The following SMOC2 variants were observed in gnomAD, a reference collection of about 807,000 sequenced individuals.
The protein encoded by SMOC2 is SPARC-related modular calcium-binding protein 2.
SMOC2 carries 39 observed loss-of-function variants against 61.4 expected under a neutral mutation model. The ratio of observed to expected loss-of-function variants is 0.64; its 90% CI spans 0.49 to 0.83. The LOEUF (loss-of-function observed/expected upper bound fraction) is 0.83, where lower values mean the gene tolerates loss of function less well. Among genes scored for constraint, SMOC2 ranks in the 40% least tolerant of loss-of-function variants. The pLI is 0.00. For missense variants in SMOC2, 556 were observed against 592.9 expected (o/e 0.94, Z 0.65); for synonymous variants, 247 against 239.9 (o/e 1.03, Z -0.27).
chr6:168,441,947 C>T (rs1781220556), intron 1 of SMOC2, among the ~76,000 whole-genome samples: 1 of 152,210 alleles, frequency 6.6e-6, no homozygotes, highest in Non-Finnish European at 1.5e-5. Context: ...CCCACGGGGA[C>T]CCGGCCTGGA....
chr6:168,453,911 C>CCT lies in SMOC2; in HGVS notation c.84+12466_84+12467dup, dbSNP rs1562536992. Reference sequence around the variant, plus strand: ...CTCTATCTCTCTTTCTCTCTGTCTTCCTCTCTCTCTGTCTCTCTGATTCTA... The same window carrying CCT: ...CTCTATCTCTCTTTCTCTCTGTCTTCCTCTCTCTCTCTGTCTCTCTGATTCTA... On this transcript the variant is annotated intron_variant, in intron 1 of 12. Transcript: ENST00000356284. The surrounding 1 kb of genome is among the most constrained non-coding windows in gnomAD (Gnocchi z 4.4). Among the ~76,000 whole-genome samples the CCT allele has an allele frequency of 6.6e-6, 1 of 150,766 alleles. No individual in the cohort carries two copies. Among genetic ancestry groups the CCT allele is most frequent in the African/African-American group, 2.4e-5 (1 of 40,980 alleles).
rs1781499936 is a variant in SMOC2, at chr6:168,453,081, G to C, written c.84+11627G>C. Among the ~76,000 whole-genome samples, 1 of 152,206 alleles carries C rather than the reference G, an allele frequency of 6.6e-6. No homozygotes were observed. Among genetic ancestry groups the C allele is most frequent in the Non-Finnish European group, 1.5e-5 (1 of 68,022 alleles). ...CTCTGTTTCTGCACCAGAGTCCCCA[G>C]GGCCTTGGCCGGACACTCAGGGCAA... On this transcript the variant is annotated intron_variant, in intron 1 of 12. Coordinates refer to ENST00000356284, the MANE Select transcript of SMOC2 (RefSeq NM_001166412.2). The surrounding 1 kb of genome is among the most constrained non-coding windows in gnomAD (Gnocchi z 4.4).
intron 9 of SMOC2, among the ~76,000 whole-genome samples, chr6:168,630,783 C>G (rs1786546583): frequency 2.0e-5 from 3 of 152,152 alleles, no homozygotes; most frequent in South Asian, 2.1e-4. Flanking sequence ...AACTGGCCCC[C>G]CTGGGCATAG....
chr6:168,591,358 A>G (rs961634951), intron 7 of SMOC2, among the ~76,000 whole-genome samples: 2 of 152,226 alleles, frequency 1.3e-5, no homozygotes, highest in Non-Finnish European at 2.9e-5. Flanking sequence ...AGAACTACCT[A>G]TGAAAGACAG....
chr6:168,448,778 C>T (rs903509657), intron 1 of SMOC2, among the ~76,000 whole-genome samples: 9 of 152,180 alleles, frequency 5.9e-5, no homozygotes, highest in East Asian at 5.8e-4. Context: ...TTAACATATT[C>T]GTAGCACTTT....
intron 7 of SMOC2, among the ~76,000 whole-genome samples, chr6:168,563,218 G>T (rs576960136): frequency 6.6e-6 from 1 of 152,254 alleles, no homozygotes; most frequent in South Asian, 2.1e-4. Context: ...TTCATTTTAT[G>T]GCATTCCTGA....
At chr6:168,590,457 G>A (rs1185754317) in intron 7 of SMOC2, among the ~76,000 whole-genome samples, 5 of 151,790 alleles carry the variant, frequency 3.3e-5, no homozygotes, top group Non-Finnish European at 7.4e-5. Context: ...AGTTTAGGGG[G>A]CAGCCGGCCT....
chr6:168,489,396 T>G (rs935973696), intron 1 of SMOC2, among the ~76,000 whole-genome samples: 4 of 150,382 alleles, frequency 2.7e-5, no homozygotes, highest in East Asian at 4.0e-4. Context: ...TGTTTTAGAG[T>G]GAAATATATC....
In SMOC2 at chr6:168,605,680, A is replaced by C. The variant is rs6922498; in HGVS notation, c.825-2477A>C. 6.5e-3 allele frequency among the ~76,000 whole-genome samples: 985 copies of C among 152,274 alleles called. 10 individuals carry two copies. The highest frequency in any genetic ancestry group is 0.023 in the African/African-American group (945 of 41,564). ...GTGGCTGGCTTCCTGATTGCTTCGA[A>C]GCTAGGAGATTTGGAATGAGGGTAA... On this transcript the variant is annotated intron_variant, in intron 8 of 12. Coordinates refer to ENST00000356284, the MANE Select transcript of SMOC2 (RefSeq NM_001166412.2).
At chr6:168,534,665 T>G (rs1038202073) in intron 4 of SMOC2, among the ~76,000 whole-genome samples, 4 of 152,258 alleles carry the variant, frequency 2.6e-5, no homozygotes, top group African/African-American at 9.6e-5. Flanking sequence ...ACTTTTAACC[T>G]CAGGAAAAAG....
intron 2 of SMOC2, among the ~76,000 whole-genome samples, chr6:168,513,978 G>A (rs1419995649): frequency 6.6e-6 from 1 of 152,102 alleles, no homozygotes; most frequent in East Asian, 1.9e-4. Context: ...GGGCCCTCCG[G>A]GGTGGCAGGA....
At chr6:168,515,711 C>G (rs2115058680) in intron 2 of SMOC2, among the ~76,000 whole-genome samples, 1 of 151,774 alleles carries the variant, frequency 6.6e-6, no homozygotes, top group Non-Finnish European at 1.5e-5. Context: ...TCCAGCCTGT[C>G]CCACTGCTGC....
At chr6:168,518,879 G>A (rs1258014688) in intron 2 of SMOC2, among the ~76,000 whole-genome samples, 2 of 151,540 alleles carry the variant, frequency 1.3e-5, no homozygotes, top group South Asian at 2.1e-4. Context: ...GTATTCATGT[G>A]TCTGAGCATG....
chr6:168,466,811 G>A (rs542490882), intron 1 of SMOC2, among the ~76,000 whole-genome samples: 3 of 152,334 alleles, frequency 2.0e-5, no homozygotes, highest in East Asian at 1.9e-4. Flanking sequence ...CATCCTGGAC[G>A]CTTGGTTTCT....
intron 7 of SMOC2, among the ~76,000 whole-genome samples, chr6:168,563,004 G>A (rs750581767): frequency 1.3e-5 from 2 of 152,244 alleles, no homozygotes; most frequent in African/African-American, 2.4e-5. Flanking sequence ...CGGAACGGGG[G>A]CTGGGAGTGG....
chr6:168,542,373 G>A (rs1238356678), intron 4 of SMOC2, among the ~76,000 whole-genome samples: 3 of 152,218 alleles, frequency 2.0e-5, no homozygotes, highest in Non-Finnish European at 4.4e-5. Context: ...AGCTGGGAAA[G>A]AGAGAAAGGC....
chr6:168,635,963 A>G (rs961262553), intron 9 of SMOC2, among the ~76,000 whole-genome samples: 2 of 152,150 alleles, frequency 1.3e-5, no homozygotes, highest in Non-Finnish European at 2.9e-5. Flanking sequence ...GGAAGCTTAT[A>G]AAAATAAACA....
chr6:168,527,248 A>G (rs1461223844), intron 3 of SMOC2, among the ~76,000 whole-genome samples: 1 of 152,086 alleles, frequency 6.6e-6, no homozygotes, highest in East Asian at 1.9e-4. Flanking sequence ...TGCAGAGTGA[A>G]CACTAAAGAG....
intron 1 of SMOC2, among the ~76,000 whole-genome samples, chr6:168,499,496 A>C (rs1782675404): frequency 6.6e-6 from 1 of 152,172 alleles, no homozygotes; most frequent in Non-Finnish European, 1.5e-5. Flanking sequence ...GCTATACATG[A>C]GCTATGAAGT....
Sources: gnomAD v4.1 joint callset for allele counts (sites outside exome capture counted in the v4.1 genomes callset) on GRCh38, gnomAD v4.1.1 for gene constraint, Gnocchi (gnomAD v3.1) non-coding constraint, MANE v1.5 for transcripts, NCBI Gene and HGNC (gene_info 2026-07-23, HGNC 2026-07-21) for gene names.